Variants in FGGY observed in about 807,000 individuals in gnomAD.
FGGY encodes the protein FGGY carbohydrate kinase domain containing.
FGGY carries 72 observed loss-of-function variants against 71.3 expected under a neutral mutation model. The observed-to-expected ratio is 1.01, with a 90% CI of 0.84 to 1.23. The LOEUF is 1.23. Among genes scored for constraint, FGGY ranks in the 50% most tolerant of loss-of-function variants. The pLI, the probability that FGGY is intolerant of heterozygous loss-of-function variation, is 0.00. For missense variants in FGGY, 668 were observed against 682.3 expected (o/e 0.98, Z 0.23); for synonymous variants, 251 against 250.3 (o/e 1.00, Z -0.02).
chr1:59,342,909 A>G (rs1402834683), intron 3 of FGGY, among the ~76,000 whole-genome samples: 1 of 152,176 alleles, frequency 6.6e-6, no homozygotes, highest in African/African-American at 2.4e-5. Context: ...AAATAGTCTC[A>G]TTTGCCTTTC....
intron 5 of FGGY, among the ~76,000 whole-genome samples, chr1:59,427,633 G>A (rs1318264505): frequency 1.3e-5 from 2 of 152,074 alleles, no homozygotes; most frequent in East Asian, 3.9e-4. Flanking sequence ...CCTTTCCTCT[G>A]TACCTGTCAC....
At chr1:59,392,924 A>G (rs966388521) in intron 5 of FGGY, among the ~76,000 whole-genome samples, 8 of 152,308 alleles carry the variant, frequency 5.3e-5, no homozygotes, top group African/African-American at 1.9e-4. Flanking sequence ...CAAAAACTGC[A>G]TTCACCAATA....
intron 8 of FGGY, among the ~76,000 whole-genome samples, chr1:59,561,428 T>A (rs2095791928): frequency 6.6e-6 from 1 of 152,156 alleles, no homozygotes. Context: ...TGTGGTTCAG[T>A]GGACAATGAG....
chr1:59,591,301 A>T (rs2096431409), intron 8 of FGGY, among the ~76,000 whole-genome samples: 1 of 152,226 alleles, frequency 6.6e-6, no homozygotes, highest in South Asian at 2.1e-4. Context: ...GATATAAACA[A>T]ATGGAAGAAC....
intron 6 of FGGY, among the ~76,000 whole-genome samples, chr1:59,476,269 C>T (rs1039227381): frequency 6.6e-6 from 1 of 152,246 alleles, no homozygotes; most frequent in African/African-American, 2.4e-5. Context: ...TCATGACTAT[C>T]CAAAATTAAT....
At chr1:59,512,531 A>G in intron 7 of FGGY, 92 bp downstream of exon 7, 1 of 1,387,602 alleles carries the variant, frequency 7.2e-7, no homozygotes, top group Non-Finnish European at 9.6e-7. Flanking sequence ...TTTAAAGCAA[A>G]GGTCAAGGAC....
At chr1:59,625,784 T>C (rs528550859) in intron 9 of FGGY, among the ~76,000 whole-genome samples, 17 of 152,218 alleles carry the variant, frequency 1.1e-4, no homozygotes, top group Non-Finnish European at 2.2e-4. Flanking sequence ...CTTTGTTTTA[T>C]GTATTTAAGA....
intron 6 of FGGY, among the ~76,000 whole-genome samples, chr1:59,489,567 G>A (rs76739028): frequency 0.012 from 1,784 of 152,086 alleles, 34 homozygotes; most frequent in African/African-American, 0.041. Context: ...TTTTATGTCT[G>A]AATAGTATTC....
intron 7 of FGGY, among the ~76,000 whole-genome samples, chr1:59,532,532 A>G (rs2095175278): frequency 6.6e-6 from 1 of 152,196 alleles, no homozygotes; most frequent in South Asian, 2.1e-4. Context: ...TAATCAATTA[A>G]TGCAATTCCA....
At chr1:59,384,208 A>G (rs1168769518) in intron 5 of FGGY, among the ~76,000 whole-genome samples, 1 of 152,054 alleles carries the variant, frequency 6.6e-6, no homozygotes, top group Non-Finnish European at 1.5e-5. Flanking sequence ...CATTAGTATA[A>G]ATTAATCATC....
At chr1:59,386,183 C>T (rs372679995) in intron 5 of FGGY, among the ~76,000 whole-genome samples, 2 of 151,142 alleles carry the variant, frequency 1.3e-5, no homozygotes, top group African/African-American at 2.5e-5. Context: ...TACTTTATTC[C>T]GATTTTTTTA....
intron 11 of FGGY, among the ~76,000 whole-genome samples, chr1:59,655,420 C>G (rs1278515881): frequency 2.0e-5 from 3 of 151,960 alleles, no homozygotes; most frequent in Non-Finnish European, 2.9e-5. Flanking sequence ...TAATGCTCTC[C>G]CTCCCCTCCA....
chr1:59,361,947 C>T lies in FGGY; in HGVS notation c.465+15549C>T, dbSNP rs149331529. Among the ~76,000 whole-genome samples the T allele has an allele frequency of 2.4e-3, 369 of 152,202 alleles. 4 individuals are homozygous for T. The highest frequency in any genetic ancestry group is 8.6e-3 in the African/African-American group (358 of 41,536). On this transcript the variant is annotated intron_variant, in intron 4 of 15. Coordinates refer to ENST00000303721, the MANE Select transcript of FGGY (RefSeq NM_018291.5). ...GCCTCTCTTGGGTGGTGGGGGGTGGCGTGTGACTCAGAGGCAGTGACATCA... is the reference window on the plus strand; with the variant it reads ...GCCTCTCTTGGGTGGTGGGGGGTGGTGTGTGACTCAGAGGCAGTGACATCA...
chr1:59,534,032 C>T (rs370996531), intron 7 of FGGY, among the ~76,000 whole-genome samples: 5 of 152,138 alleles, frequency 3.3e-5, no homozygotes, highest in Non-Finnish European at 5.9e-5. Context: ...CAAATTACTC[C>T]GAGCTACGGG....
intron 8 of FGGY, among the ~76,000 whole-genome samples, chr1:59,603,373 G>A (rs1214458458): frequency 6.6e-6 from 1 of 152,076 alleles, no homozygotes; most frequent in Non-Finnish European, 1.5e-5. Flanking sequence ...CAAGACCAAG[G>A]ACAAATCTAG....
chr1:59,719,445 A>G (rs1183469331), intron 14 of FGGY, among the ~76,000 whole-genome samples: 1 of 152,174 alleles, frequency 6.6e-6, no homozygotes, highest in African/African-American at 2.4e-5. Flanking sequence ...AAAAAGGCCC[A>G]CATTACTAGG....
At chr1:59,411,895 G>T (rs1478466929) in intron 5 of FGGY, among the ~76,000 whole-genome samples, 1 of 152,144 alleles carries the variant, frequency 6.6e-6, no homozygotes, top group Non-Finnish European at 1.5e-5. Flanking sequence ...CCAACCCTGA[G>T]AGAAGCCTCC....
rs1557748550 is a variant in FGGY at position 59,383,095 on chromosome 1, A to ACTTCTT, written c.554+4258_554+4259insCTTCTT. Among the ~76,000 whole-genome samples the ACTTCTT allele has an allele frequency of 3.9e-4, 59 of 152,312 alleles. No homozygotes were observed. The East Asian group carries it at 9.3e-3, about 24-fold the overall frequency. On this transcript the variant is annotated intron_variant, in intron 5 of 15. Transcript: ENST00000303721. The stretch of plus-strand genomic sequence containing the variant: ...GATTGTCACTCTTTTTGTCTATAGC[A>ACTTCTT]TGGAGATTGTTATACCTATTTTGCA...
intron 6 of FGGY, among the ~76,000 whole-genome samples, chr1:59,484,949 A>G (rs534322312): frequency 2.6e-5 from 4 of 152,306 alleles, no homozygotes; most frequent in South Asian, 2.1e-4. Flanking sequence ...GCCTGCAGAC[A>G]TCTTTTTAAA....
Sources: allele counts gnomAD v4.1 joint callset (sites outside exome capture counted in the v4.1 genomes callset), GRCh38; gene constraint gnomAD v4.1.1; transcripts MANE v1.5; gene names NCBI Gene and HGNC (gene_info 2026-07-23, HGNC 2026-07-21).